Variants in ABCB1 observed in about 807,000 individuals in gnomAD.
ABCB1 encodes the protein ATP binding cassette subfamily B member 1.
Under a neutral mutation model 142.0 loss-of-function variants are expected in ABCB1, and 69 were observed. That is an observed-to-expected ratio of 0.49 (90% CI 0.40 to 0.59). The LOEUF is 0.59. Among genes scored for constraint, ABCB1 ranks in the 20% least tolerant of loss-of-function variants. The pLI, the probability that ABCB1 is intolerant of heterozygous loss-of-function variation, is 0.00. For missense variants in ABCB1, 1,326 were observed against 1,554.7 expected (o/e 0.85, Z 2.47); for synonymous variants, 532 against 539.2 (o/e 0.99, Z 0.18).
intron 1 of ABCB1, among the ~76,000 whole-genome samples, chr7:87,623,824 G>A (rs1331105114): frequency 6.6e-6 from 1 of 151,694 alleles, no homozygotes; most frequent in Non-Finnish European, 1.5e-5. Flanking sequence ...ATATGCTCAA[G>A]TCACTTCTGT....
chr7:87,598,753 C>T (rs1227026421), intron 2 of ABCB1, among the ~76,000 whole-genome samples: 2 of 152,194 alleles, frequency 1.3e-5, no homozygotes, highest in African/African-American at 4.8e-5. Context: ...TTCTTTGATG[C>T]TCAAATTGTC....
Position 87,671,559 on chromosome 7 carries a change from C to T in ABCB1, c.-331+41602G>A, listed in dbSNP as rs897135025. Among the ~76,000 whole-genome samples, 5 of 152,208 alleles carry T rather than the reference C, an allele frequency of 3.3e-5. No homozygotes were observed. In the East Asian group the frequency reaches 5.8e-4, roughly 18 times the overall value. On this transcript the variant is annotated intron_variant, in intron 1 of 28. Coordinates refer to the ABCB1 transcript ENST00000265724. Reference sequence around the variant, plus strand: ...ACCTGGAGGTATCACCAGTGAAGGCCGCAAAACAGCAAAGATGAGAGCCTG... The same window carrying T: ...ACCTGGAGGTATCACCAGTGAAGGCTGCAAAACAGCAAAGATGAGAGCCTG...
At chr7:87,602,504 T>C (rs566424994), upstream of ABCB1, among the ~76,000 whole-genome samples, 9 of 152,154 alleles carry the variant, frequency 5.9e-5, no homozygotes, top group Non-Finnish European at 1.3e-4. Context: ...CTATGATCTC[T>C]GTTTTCACTT....
chr7:87,543,150 C>G (rs1029408550), intron 17 of ABCB1, among the ~76,000 whole-genome samples: 1 of 151,982 alleles, frequency 6.6e-6, no homozygotes, highest in African/African-American at 2.4e-5. Context: ...AAAAATTAGC[C>G]AGGCATGGTG....
chr7:87,629,157 G>GCACTGGAA, intron 1 of ABCB1: 2 of 414,418 alleles, frequency 4.8e-6, no homozygotes, highest in Non-Finnish European at 8.4e-6. Flanking sequence ...CAGTTCCAGT[G>GCACTGGAA]CTGAAGGTAC....
At chr7:87,660,695 TAGC>T (rs1824612603) in intron 1 of ABCB1, among the ~76,000 whole-genome samples, 2 of 151,984 alleles carry the variant, frequency 1.3e-5, no homozygotes, top group African/African-American at 4.8e-5. Context: ...GTTGGACTCT[TAGC>T]AGATTAATTT....
At chr7:87,595,463 C>G (rs1438340255) in intron 3 of ABCB1, among the ~76,000 whole-genome samples, 1 of 152,056 alleles carries the variant, frequency 6.6e-6, no homozygotes, top group Non-Finnish European at 1.5e-5. Context: ...AGACAGCATT[C>G]TATGTGATTG....
chr7:87,627,010 G>A (rs896333274), intron 1 of ABCB1, among the ~76,000 whole-genome samples: 5 of 152,114 alleles, frequency 3.3e-5, no homozygotes, highest in East Asian at 1.9e-4. Context: ...TCCTGACCTC[G>A]TGATCCGCCC....
At chr7:87,701,775 T>C (rs1829059311) in intron 1 of ABCB1, among the ~76,000 whole-genome samples, 3 of 152,252 alleles carry the variant, frequency 2.0e-5, no homozygotes, top group East Asian at 1.9e-4. Context: ...AAACAACACA[T>C]TGTTACAGAT....
chr7:87,687,679 G>A (rs563657588), intron 1 of ABCB1, among the ~76,000 whole-genome samples: 10 of 152,028 alleles, frequency 6.6e-5, no homozygotes, highest in African/African-American at 2.4e-4. Flanking sequence ...TTTTCTGATA[G>A]GACTTGGATT....
chr7:87,613,549 A>G (rs908909261), intron 1 of ABCB1, among the ~76,000 whole-genome samples: 2 of 152,174 alleles, frequency 1.3e-5, no homozygotes, highest in Non-Finnish European at 2.9e-5. Context: ...AAAGAACAAA[A>G]TCATGTCTTT....
intron 26 of ABCB1, among the ~76,000 whole-genome samples, chr7:87,508,145 GA>G (rs1365943527): frequency 1.3e-5 from 2 of 151,922 alleles, no homozygotes; most frequent in Non-Finnish European, 2.9e-5. Flanking sequence ...ATAAAGGTTG[GA>G]AAAAATCTAA....
At chr7:87,519,723 A>T (rs1174437654) in intron 22 of ABCB1, among the ~76,000 whole-genome samples, 1 of 152,246 alleles carries the variant, frequency 6.6e-6, no homozygotes, top group African/African-American at 2.4e-5. Flanking sequence ...AGAGAAAATA[A>T]TCCAATGACT....
At chr7:87,557,370 G>C (rs1817353662) in intron 8 of ABCB1, among the ~76,000 whole-genome samples, 1 of 152,144 alleles carries the variant, frequency 6.6e-6, no homozygotes, top group Non-Finnish European at 1.5e-5. Flanking sequence ...TGTAGGTGCT[G>C]AATAAATTTG....
chr7:87,507,759 A>G (rs1164687449), intron 26 of ABCB1, among the ~76,000 whole-genome samples: 1 of 152,216 alleles, frequency 6.6e-6, no homozygotes, highest in African/African-American at 2.4e-5. Context: ...AATAAAGAGC[A>G]TAACTGGTGA....
At chr7:87,575,058 T>C (rs187969627) in intron 4 of ABCB1, among the ~76,000 whole-genome samples, 37 of 152,284 alleles carry the variant, frequency 2.4e-4, no homozygotes, top group Non-Finnish European at 5.0e-4. Flanking sequence ...TCTCACATAT[T>C]TTAAGATTAA....
At chr7:87,611,088 G>T (rs972805779) in intron 1 of ABCB1, among the ~76,000 whole-genome samples, 6 of 152,180 alleles carry the variant, frequency 3.9e-5, no homozygotes, top group African/African-American at 1.4e-4. Flanking sequence ...CAAAGTATTT[G>T]TAAAATCTAC....
At chr7:87,594,979 T>G (rs1464101774) in intron 3 of ABCB1, among the ~76,000 whole-genome samples, 1 of 152,134 alleles carries the variant, frequency 6.6e-6, no homozygotes, top group Non-Finnish European at 1.5e-5. Context: ...TCTGGAATCT[T>G]TCACCTAACA....
At chr7:87,645,350 C>G (rs1194186582) in intron 1 of ABCB1, among the ~76,000 whole-genome samples, 3 of 152,090 alleles carry the variant, frequency 2.0e-5, no homozygotes, top group Admixed American at 2.0e-4. Flanking sequence ...TCCCAAAGTG[C>G]AGGTATTACA....
Sources: gnomAD v4.1 joint callset for allele counts (sites outside exome capture counted in the v4.1 genomes callset) on GRCh38, gnomAD v4.1.1 for gene constraint, MANE v1.5 for transcripts, NCBI Gene and HGNC (gene_info 2026-07-23, HGNC 2026-07-21) for gene names.